Variants in SKOR2 observed in about 807,000 individuals in gnomAD.
SKOR2 encodes the protein LBX1 corepressor 1-like protein.
In SKOR2, 47 loss-of-function variants were observed where a neutral mutation model predicts 69.1. The ratio of observed to expected loss-of-function variants is 0.68; its 90% confidence interval spans 0.54 to 0.87. The LOEUF (loss-of-function observed/expected upper bound fraction) is 0.87, where lower values mean the gene tolerates loss of function less well. SKOR2 is among the 40% of genes least tolerant of loss of function. The pLI is 0.00. For missense variants in SKOR2, 1,404 were observed against 1,472.2 expected (o/e 0.95, Z 0.76); for synonymous variants, 717 against 672.6 (o/e 1.07, Z -1.02).
At chr18:47,240,841 G>A (rs913428665) in intron 4 of SKOR2, among the ~76,000 whole-genome samples, 2 of 152,116 alleles carry the variant, frequency 1.3e-5, no homozygotes, top group African/African-American at 4.8e-5. Context: ...TGGTTGCCAC[G>A]GGAGTGAAAA....
Position 47,247,970 on chromosome 18 carries a change from A to G in SKOR2, c.1214T>C (p.Phe405Ser). The change falls in exon 2 of 9, where the codon TTC becomes TCC. Residue 405 changes from phenylalanine (F) to serine (S), a missense_variant. Around this residue, in one of 3 missense-constraint regions of SKOR2, gnomAD observed 1,266 missense variants for 1,309.9 expected, o/e 0.97. Coordinates refer to ENST00000425639, the MANE Select transcript of SKOR2 (RefSeq NM_001278063.4). The surrounding 1 kb of genome is among the most constrained non-coding windows in gnomAD (Gnocchi z 6.6). ...GGCAGGGAAGGTGTAGGGGTGCGGGAAGAGCCCGCCGCAGCCCGGGAACTT... is the reference window on the plus strand; with the variant it reads ...GGCAGGGAAGGTGTAGGGGTGCGGGGAGAGCCCGCCGCAGCCCGGGAACTT... The part of the protein sequence containing the change: ...LQKFPGCGGL[F>S]PHPYTFPAAA... 3.6e-6 allele frequency: 5 copies of G among 1,374,388 alleles called. No homozygotes were observed. Among genetic ancestry groups the G allele is most frequent in the South Asian group, 1.7e-5 (1 of 58,992 alleles). The allele number at this position is 1,374,388 out of a possible 1,614,324, so 85.1% of individuals were successfully genotyped here. A position where few individuals can be genotyped will look rare whatever the true frequency, so the allele number is the denominator to read the frequency against.
intron 6 of SKOR2, among the ~76,000 whole-genome samples, chr18:47,221,002 T>C (rs957621840): frequency 6.6e-6 from 1 of 152,114 alleles, no homozygotes; most frequent in African/African-American, 2.4e-5. Context: ...CCCTGAATCA[T>C]TTTCCGACTG....
chr18:47,247,078 GGGCGGCGGC>G lies in SKOR2; in HGVS notation c.2097_2105del (p.Pro704_Pro706del), dbSNP rs753158744. 306 of 1,369,192 alleles carry G rather than the reference GGGCGGCGGC, an allele frequency of 2.2e-4. No homozygotes were observed. Among genetic ancestry groups the G allele is most frequent in the African/African-American group, 4.4e-4 (29 of 65,734 alleles). The allele number at this position is 1,369,192 out of a possible 1,614,324, so 84.8% of individuals were successfully genotyped here. ...GGTGCTGGGCCAGAGGGGGCGGCGGGGGCGGCGGCGGCGGCGGCGGCGGGGCCGGGTGGT... is the reference window on the plus strand; with the variant it reads ...GGTGCTGGGCCAGAGGGGGCGGCGGGGGCGGCGGCGGCGGGGCCGGGTGGT... On this transcript the variant is annotated inframe_deletion, in exon 2 of 9. Transcript: ENST00000425639. This position sits in a 1 kb window ranked among gnomAD's most constrained non-coding sequence, Gnocchi z 6.6.
chr18:47,244,423 C>T (rs1336597237), intron 4 of SKOR2, among the ~76,000 whole-genome samples: 5 of 152,316 alleles, frequency 3.3e-5, no homozygotes, highest in African/African-American at 1.2e-4. Flanking sequence ...CTTTCCCAAA[C>T]CCCTTGGAGA....
At chr18:47,240,563 T>A (rs990707255) in intron 4 of SKOR2, among the ~76,000 whole-genome samples, 1 of 152,296 alleles carries the variant, frequency 6.6e-6, no homozygotes, top group East Asian at 1.9e-4. Context: ...GAATTATATC[T>A]GCTGTATGTA....
At chr18:47,236,748 T>C (rs954881166) in intron 4 of SKOR2, among the ~76,000 whole-genome samples, 2 of 152,142 alleles carry the variant, frequency 1.3e-5, no homozygotes, top group Non-Finnish European at 2.9e-5. Context: ...GAAAAACAGA[T>C]ATTGTCTAAG....
rs977684013 is a variant in SKOR2, at chr18:47,248,599, G to T, written c.585C>A (p.Asp195Glu). Residue 195 changes from aspartate to glutamate, a missense_variant, in exon 2 of 9, where the codon GAC (aspartate) becomes GAA (glutamate). Asp to Glu is a conservative substitution (Grantham distance 45, BLOSUM62 2). Around this residue, in one of 3 missense-constraint regions of SKOR2, gnomAD observed 1,266 missense variants for 1,309.9 expected, o/e 0.97. Transcript: ENST00000425639. The surrounding 1 kb of genome is among the most constrained non-coding windows in gnomAD (Gnocchi z 6.4). ...KFIFHSHRTP[D>E]AKYTQPDAAN... ...CTGCGTCTGGCTGAGTGTACTTGGC[G>T]TCGGGCGTGCGGTGGGAGTGGAAAA... is the stretch of plus-strand genomic sequence containing the variant. The T allele has an allele frequency of 5.2e-6, 8 of 1,542,374 alleles. No individual in the cohort carries two copies. Among genetic ancestry groups the T allele is most frequent in the Non-Finnish European group, 6.1e-6 (7 of 1,149,250 alleles).
Position 47,245,753 on chromosome 18 carries a change from A to C in SKOR2, c.2614-192T>G, listed in dbSNP as rs895645774. Among the ~76,000 whole-genome samples the C allele has an allele frequency of 3.1e-4, 47 of 152,186 alleles. 1 individual carries two copies. Among genetic ancestry groups the C allele is most frequent in the African/African-American group, 1.1e-3 (46 of 41,504 alleles). On this transcript the variant is annotated intron_variant, in intron 2 of 8. Coordinates refer to ENST00000425639, the MANE Select transcript of SKOR2 (RefSeq NM_001278063.4). ...TATGACTACGTATATCTACACTATT[A>C]TCCTTTAAGAAGTAATACAGATTAA...
At chr18:47,235,043 C>T (rs1010677653) in intron 4 of SKOR2, among the ~76,000 whole-genome samples, 2 of 152,062 alleles carry the variant, frequency 1.3e-5, no homozygotes, top group East Asian at 1.9e-4. Flanking sequence ...GGGCATAAAA[C>T]GTCTCCTGTG....
intron 1 of SKOR2, among the ~76,000 whole-genome samples, chr18:47,249,495 A>G (rs1047768833): frequency 6.6e-6 from 1 of 152,246 alleles, no homozygotes; most frequent in Non-Finnish European, 1.5e-5. Context: ...TGAATTCCTA[A>G]GAAACCTAAG....
chr18:47,219,168 C>T (rs912216541), intron 7 of SKOR2, among the ~76,000 whole-genome samples: 8 of 152,134 alleles, frequency 5.3e-5, no homozygotes, highest in Non-Finnish European at 8.8e-5. Context: ...GAGAATAGCA[C>T]TAAGGATCAA....
chr18:47,242,881 A>G (rs548164847), intron 4 of SKOR2, among the ~76,000 whole-genome samples: 17 of 152,322 alleles, frequency 1.1e-4, no homozygotes, highest in African/African-American at 4.1e-4. Context: ...TTGTCTTAAT[A>G]CTGGTGAATG....
chr18:47,246,388 C>A (rs2064273120), intron 2 of SKOR2, among the ~76,000 whole-genome samples, 183 bp downstream of exon 2: 2 of 152,154 alleles, frequency 1.3e-5, no homozygotes, highest in African/African-American at 4.8e-5. Context: ...AAGAAAGGGA[C>A]CAGAAACCAC....
intron 6 of SKOR2, among the ~76,000 whole-genome samples, chr18:47,221,786 T>C (rs2144487050): frequency 6.6e-6 from 1 of 152,272 alleles, no homozygotes; most frequent in Middle Eastern, 3.4e-3. Flanking sequence ...GTTGAGTTCT[T>C]AGAGGGCAGG....
intron 6 of SKOR2, 70 bp downstream of exon 6, chr18:47,230,389 C>T (rs2064193068): frequency 1.1e-6 from 1 of 918,884 alleles, no homozygotes; most frequent in Non-Finnish European, 1.5e-6. Context: ...CTTAGAATCA[C>T]ATTCTTAAGC....
rs887550919 is a variant in SKOR2, at chr18:47,246,874, G to A, written c.2310C>T (p.Asp770=). ...GRDPDDDEEE[D]EETEVLLGDP... ...CGCCGAGTAGGACCTCCGTCTCCTCGTCCTCTTCCTCGTCGTCGTCAGGGT... is the reference window on the plus strand; with the variant it reads ...CGCCGAGTAGGACCTCCGTCTCCTCATCCTCTTCCTCGTCGTCGTCAGGGT... The change falls in exon 2 of 9, where the codon GAC becomes GAT. Residue 770 remains aspartate, a synonymous_variant. Transcript: ENST00000425639. 2.7e-6 allele frequency: 4 copies of A among 1,492,160 alleles called. No homozygotes were observed. In the Admixed American group the frequency reaches 6.5e-5, roughly 24 times the overall value. The allele number at this position is 1,492,160 out of a possible 1,614,324, so 92.4% of individuals were successfully genotyped here.
chr18:47,208,746 A>C (rs574765887), intron 8 of SKOR2, among the ~76,000 whole-genome samples: 1 of 152,318 alleles, frequency 6.6e-6, no homozygotes, highest in South Asian at 2.1e-4. Context: ...AGGTGAAAGG[A>C]TAATGCCTGC....
At chr18:47,218,803 C>T (rs2064152203) in intron 7 of SKOR2, among the ~76,000 whole-genome samples, 2 of 152,098 alleles carry the variant, frequency 1.3e-5, no homozygotes, top group South Asian at 4.1e-4. Context: ...TTATGAAAAT[C>T]CTCTGCTCCC....
At chr18:47,224,933 A>T (rs1332851007) in intron 6 of SKOR2, among the ~76,000 whole-genome samples, 1 of 152,158 alleles carries the variant, frequency 6.6e-6, no homozygotes, top group Non-Finnish European at 1.5e-5. Flanking sequence ...ACTTAAAAAA[A>T]AATTTTTTTC....
Sources: gnomAD v4.1 joint callset for allele counts (sites outside exome capture counted in the v4.1 genomes callset) on GRCh38, gnomAD v4.1.1 for gene constraint, gnomAD v4.1.1 regional missense constraint, Gnocchi (gnomAD v3.1) non-coding constraint, MANE v1.5 for transcripts, NCBI Gene and HGNC (gene_info 2026-07-23, HGNC 2026-07-21) for gene names.